The following EXOC6B variants were observed in gnomAD, a reference collection of about 807,000 sequenced individuals.
EXOC6B encodes SEC15 homolog B.
Under a neutral mutation model 113.5 loss-of-function variants are expected in EXOC6B, and 54 were observed. That is an observed-to-expected ratio of 0.48 (90% CI 0.38 to 0.60). EXOC6B has a LOEUF of 0.60. Among genes scored for constraint, EXOC6B ranks in the 20% least tolerant of loss-of-function variants. The probability of loss-of-function intolerance (pLI) is 0.00; values close to 1 mark genes in which losing one functional copy is unlikely to be tolerated. For missense variants in EXOC6B, 797 were observed against 977.5 expected, an observed-to-expected ratio of 0.82 and a Z score of 2.46; for synonymous variants, 357 against 339.0, an observed-to-expected ratio of 1.05 and a Z score of -0.58.
chr2:72,419,369 T>C (rs1694727391), intron 18 of EXOC6B, among the ~76,000 whole-genome samples: 1 of 152,210 alleles, frequency 6.6e-6, no homozygotes. Context: ...GCTTTCATAA[T>C]GGCCCACGTA....
chr2:72,392,697 C>T (rs1041024506), intron 18 of EXOC6B, among the ~76,000 whole-genome samples: 3 of 152,188 alleles, frequency 2.0e-5, no homozygotes, highest in African/African-American at 7.2e-5. Context: ...ATTATCTTAT[C>T]AGCCCCAGCA....
At chr2:72,708,735 T>G (rs940810811) in intron 6 of EXOC6B, among the ~76,000 whole-genome samples, 1 of 151,968 alleles carries the variant, frequency 6.6e-6, no homozygotes, top group African/African-American at 2.4e-5. Context: ...TAATTTAAAT[T>G]AAAAAATTTT....
At chr2:72,781,413 C>A (rs1214062820) in intron 1 of EXOC6B, among the ~76,000 whole-genome samples, 1 of 152,178 alleles carries the variant, frequency 6.6e-6, no homozygotes, top group Non-Finnish European at 1.5e-5. Flanking sequence ...CTCTCCTCTA[C>A]AATGTCCTTA....
At chr2:72,743,764 C>A (rs1050864769) in intron 1 of EXOC6B, among the ~76,000 whole-genome samples, 1 of 152,162 alleles carries the variant, frequency 6.6e-6, no homozygotes, top group Non-Finnish European at 1.5e-5. Context: ...AAGAAATACT[C>A]ATTTGCTCAT....
intron 6 of EXOC6B, among the ~76,000 whole-genome samples, chr2:72,634,667 T>C (rs1327466072): frequency 2.6e-5 from 4 of 152,162 alleles, no homozygotes; most frequent in African/African-American, 9.7e-5. Context: ...AACAAAGATA[T>C]AGAAGAATTC....
At chr2:72,773,688 C>A (rs751920014) in intron 1 of EXOC6B, among the ~76,000 whole-genome samples, 2 of 151,848 alleles carry the variant, frequency 1.3e-5, no homozygotes, top group Admixed American at 1.3e-4. Flanking sequence ...ATATTTTATA[C>A]AAATAAAAAA....
At chr2:72,295,185 C>G (rs187370377) in intron 20 of EXOC6B, among the ~76,000 whole-genome samples, 1 of 146,180 alleles carries the variant, frequency 6.8e-6, no homozygotes, top group African/African-American at 2.6e-5. Context: ...GAGCCGAGAT[C>G]GCACCACTAC....
intron 8 of EXOC6B, among the ~76,000 whole-genome samples, chr2:72,556,986 A>C (rs1429049663): frequency 2.0e-5 from 3 of 152,020 alleles, no homozygotes; most frequent in Non-Finnish European, 2.9e-5. Context: ...CGATTAAAAA[A>C]AATGAACAAA....
intron 18 of EXOC6B, among the ~76,000 whole-genome samples, chr2:72,408,567 AT>A (rs1365285658): frequency 6.6e-6 from 1 of 152,098 alleles, no homozygotes; most frequent in Non-Finnish European, 1.5e-5. Context: ...TGCCGCATAT[AT>A]ACAACTATCT....
chr2:72,408,252 G>A (rs558838632), intron 18 of EXOC6B, among the ~76,000 whole-genome samples: 1 of 152,212 alleles, frequency 6.6e-6, no homozygotes, highest in African/African-American at 2.4e-5. Context: ...CATGCTCATG[G>A]GTAGGAAGAA....
chr2:72,397,033 C>A (rs1692774589), intron 18 of EXOC6B, among the ~76,000 whole-genome samples: 1 of 151,466 alleles, frequency 6.6e-6, no homozygotes, highest in Non-Finnish European at 1.5e-5. Flanking sequence ...TCTATGTTCT[C>A]CCTTATACCC....
At chr2:72,284,509 ATCATAC>A (rs1237580206) in intron 20 of EXOC6B, among the ~76,000 whole-genome samples, 1 of 152,104 alleles carries the variant, frequency 6.6e-6, no homozygotes, top group Admixed American at 6.5e-5. Flanking sequence ...TACAGCTAAC[ATCATAC>A]TAAATGGTGA....
intron 18 of EXOC6B, among the ~76,000 whole-genome samples, chr2:72,408,072 C>G (rs1054607400): frequency 6.6e-6 from 1 of 152,112 alleles, no homozygotes; most frequent in Admixed American, 6.5e-5. Context: ...ACACCAATAA[C>G]AGACAAACAG....
At chr2:72,646,021 A>G (rs1673680075) in intron 6 of EXOC6B, among the ~76,000 whole-genome samples, 1 of 152,206 alleles carries the variant, frequency 6.6e-6, no homozygotes. Flanking sequence ...TTTTGAAAAG[A>G]TCAACAAAAT....
chr2:72,825,885 G>A lies in EXOC6B; in HGVS notation c.26C>T (p.Ala9Val), dbSNP rs759997229. 1.4e-5 allele frequency: 23 copies of A among 1,613,106 alleles called. No individual in the cohort carries two copies. Among genetic ancestry groups the A allele is most frequent in the Non-Finnish European group, 1.9e-5 (23 of 1,179,676 alleles). MERGKMAEAESLETAAEHE... is the reference protein window; with the variant it reads MERGKMAEVESLETAAEHE... ...CTCTGCCGCTGTCTCCAGGCTCTCC[G>A]CCTCCGCCATCTTACCCCGCTCCAT... Residue 9 changes from alanine to valine, a missense_variant, in exon 1 of 22, where the codon GCG (alanine) becomes GTG (valine). By Grantham distance (64) the Ala-to-Val change is moderately conservative. Transcript: ENST00000272427. The surrounding 1 kb of genome is among the most constrained non-coding windows in gnomAD (Gnocchi z 4.4).
intron 20 of EXOC6B, among the ~76,000 whole-genome samples, chr2:72,222,520 C>T (rs1279817239): frequency 6.6e-6 from 1 of 152,098 alleles, no homozygotes; most frequent in Admixed American, 6.5e-5. Flanking sequence ...TTGATAATCT[C>T]AAAAACAAAT....
intron 20 of EXOC6B, among the ~76,000 whole-genome samples, chr2:72,281,812 A>C (rs2104672961): frequency 6.6e-6 from 1 of 152,350 alleles, no homozygotes; most frequent in East Asian, 1.9e-4. Context: ...TAAAACTGCC[A>C]AAAACTGAAG....
At chr2:72,781,482 G>C (rs1684031153) in intron 1 of EXOC6B, among the ~76,000 whole-genome samples, 1 of 152,166 alleles carries the variant, frequency 6.6e-6, no homozygotes, top group Non-Finnish European at 1.5e-5. Flanking sequence ...TAGCCACAAA[G>C]TAAATATTTT....
chr2:72,696,949 T>C (rs891858148), intron 6 of EXOC6B, among the ~76,000 whole-genome samples: 2 of 152,154 alleles, frequency 1.3e-5, no homozygotes, highest in African/African-American at 4.8e-5. Context: ...TGATCAGATA[T>C]GACAGAAAAG....
Sources: allele counts gnomAD v4.1 joint callset (sites outside exome capture counted in the v4.1 genomes callset), GRCh38; gene constraint gnomAD v4.1.1; non-coding constraint Gnocchi (gnomAD v3.1); transcripts MANE v1.5; gene names NCBI Gene and HGNC (gene_info 2026-07-23, HGNC 2026-07-21).